The following SIPA1L3 variants were observed in gnomAD, a reference collection of about 807,000 sequenced individuals.
SIPA1L3 encodes signal induced proliferation associated 1 like 3, also known as signal-induced proliferation-associated 1-like protein 3.
SIPA1L3 carries 59 observed loss-of-function variants against 150.1 expected under a neutral mutation model. The ratio of observed to expected loss-of-function variants is 0.39; its 90% CI spans 0.32 to 0.49. The LOEUF is 0.49. Ranked by LOEUF, SIPA1L3 falls within the 20% of genes least tolerant of loss-of-function variation. SIPA1L3 has a pLI of 0.86. For missense variants in SIPA1L3, 2,211 were observed against 2,489.5 expected (o/e 0.89, Z 2.38); for synonymous variants, 1,070 against 1,077.6 (o/e 0.99, Z 0.14).
chr19:38,015,104 C>A (rs142811462), intron 1 of SIPA1L3, among the ~76,000 whole-genome samples: 1 of 152,170 alleles, frequency 6.6e-6, no homozygotes, highest in South Asian at 2.1e-4. Context: ...TGTGAGCCAC[C>A]ACGCCCAGCT....
chr19:38,119,858 A>G lies in SIPA1L3; in HGVS notation c.2844A>G (p.Ile948Met). ...CGACAGAGGGTTCTGTGGAGGACAT[A>G]AGGGAGATAGTGCAGAGACTGAAGG... ...LQATEGSVEDIREIVQRLKVM... is the reference protein window; with the variant it reads ...LQATEGSVEDMREIVQRLKVM... Residue 948 changes from isoleucine (I) to methionine (M), a missense_variant, in exon 9 of 22, where the codon ATA becomes ATG. This residue lies in a region of SIPA1L3 where 625 missense variants were observed against 804.2 expected (regional missense o/e 0.78). Transcript: ENST00000222345. 6.2e-7 allele frequency: 1 copy of G among 1,611,428 alleles called. No individual in the cohort carries two copies. The highest frequency in any genetic ancestry group is 8.5e-7 in the Non-Finnish European group (1 of 1,179,380).
chr19:38,112,078 C>G (rs557484170), intron 8 of SIPA1L3, among the ~76,000 whole-genome samples: 1 of 139,092 alleles, frequency 7.2e-6, no homozygotes, highest in Non-Finnish European at 1.5e-5. Context: ...ACACACCATG[C>G]GTCCGCACAT....
intron 2 of SIPA1L3, among the ~76,000 whole-genome samples, chr19:38,078,435 C>T (rs1969896183): frequency 7.5e-6 from 1 of 133,518 alleles, no homozygotes; most frequent in Non-Finnish European, 1.6e-5. Context: ...CATGCGCATA[C>T]ATGCACACAC....
intron 9 of SIPA1L3, among the ~76,000 whole-genome samples, chr19:38,120,808 T>A (rs1343200126): frequency 6.6e-6 from 1 of 152,218 alleles, no homozygotes; most frequent in Non-Finnish European, 1.5e-5. Context: ...TCAGGCCCCA[T>A]CTAAGCTCCA....
At chr19:37,981,308 C>T (rs1967195331) in intron 1 of SIPA1L3, among the ~76,000 whole-genome samples, 1 of 151,612 alleles carries the variant, frequency 6.6e-6, no homozygotes, top group African/African-American at 2.4e-5. Context: ...ACTGTAGTCT[C>T]AGCTACTCAG....
chr19:37,914,687 T>A (rs2046402144), intron 1 of SIPA1L3, among the ~76,000 whole-genome samples: 1 of 151,886 alleles, frequency 6.6e-6, no homozygotes, highest in South Asian at 2.1e-4. Flanking sequence ...ACATTTTTTC[T>A]ATTTTTTGTA....
In SIPA1L3 at chr19:38,201,964, G is replaced by T; in HGVS notation, c.5087G>T (p.Gly1696Val). Reference protein sequence around the residue: ...PVHSHLSLERGPPTPRTTPTM... With the variant: ...PVHSHLSLERVPPTPRTTPTM... ...CACAGCCACCTGAGCCTGGAGAGGG[G>T]ACCCCCGACCCCCAGGACCACCCCT... Residue 1696 changes from glycine (G) to valine (V), a missense_variant, in exon 20 of 22, where the codon GGA becomes GTA. Physicochemically the swap from Gly to Val is moderately radical, Grantham distance 109. This residue lies in a region of SIPA1L3 where 806 missense variants were observed against 870.1 expected (regional missense o/e 0.93). Coordinates refer to ENST00000222345, the MANE Select transcript of SIPA1L3 (RefSeq NM_015073.3). 1 of 1,613,300 alleles carries T rather than the reference G, an allele frequency of 6.2e-7. No individual in the cohort carries two copies. Among genetic ancestry groups the T allele is most frequent in the Non-Finnish European group, 8.5e-7 (1 of 1,179,706 alleles).
At position 38,081,937 on chromosome 19, in the gene SIPA1L3, G is replaced by GC; in HGVS notation, c.378dup (p.Thr127HisfsTer54). 2.5e-6 allele frequency: 4 copies of GC among 1,614,112 alleles called. No homozygotes were observed. Among genetic ancestry groups the GC allele is most frequent in the South Asian group, 1.1e-5 (1 of 91,086 alleles). Reference sequence around the variant, plus strand: ...CCATGAGGAGCATACAGAACGGACAGCCCCCCACCAGCACCCCGGCTTCCT... The same window carrying GC: ...CCATGAGGAGCATACAGAACGGACAGCCCCCCCACCAGCACCCCGGCTTCCT... On this transcript the variant is annotated frameshift_variant, in exon 3 of 22. Transcript: ENST00000222345. LOFTEE classifies it high-confidence loss of function.
At chr19:38,178,358 C>T (rs1411860926) in intron 15 of SIPA1L3, among the ~76,000 whole-genome samples, 2 of 151,940 alleles carry the variant, frequency 1.3e-5, no homozygotes, top group Non-Finnish European at 2.9e-5. Context: ...TCTACAGCAA[C>T]TCCTGGGCTC....
chr19:38,055,641 A>T (rs900607980), intron 2 of SIPA1L3, among the ~76,000 whole-genome samples: 1 of 152,194 alleles, frequency 6.6e-6, no homozygotes. Context: ...TCAGAAGAGG[A>T]TGGGTTTGGA....
At chr19:38,187,357 C>T (rs1325864654) in intron 16 of SIPA1L3, among the ~76,000 whole-genome samples, 1 of 151,884 alleles carries the variant, frequency 6.6e-6, no homozygotes, top group East Asian at 1.9e-4. Context: ...GAGGCTGAGG[C>T]AGGAGAATCG....
chr19:38,145,536 A>C (rs1286009326), intron 12 of SIPA1L3, among the ~76,000 whole-genome samples: 1 of 53,978 alleles, frequency 1.9e-5, no homozygotes, highest in Non-Finnish European at 4.3e-5. Flanking sequence ...CTCCGTCTCA[A>C]AAAAAAAAAA....
intron 19 of SIPA1L3, 145 bp downstream of exon 19, chr19:38,198,677 C>T (rs1406333097): frequency 1.1e-5 from 9 of 821,070 alleles, no homozygotes; most frequent in Non-Finnish European, 1.5e-5. Context: ...CCGTCACTTG[C>T]TTACCATGCA....
intron 1 of SIPA1L3, among the ~76,000 whole-genome samples, chr19:38,007,327 C>G (rs1353929007): frequency 6.6e-6 from 1 of 151,912 alleles, no homozygotes; most frequent in Non-Finnish European, 1.5e-5. Context: ...ATGGCACGCA[C>G]CTGTAATCCC....
intron 2 of SIPA1L3, among the ~76,000 whole-genome samples, chr19:38,069,378 C>T (rs1006620762): frequency 6.6e-6 from 1 of 152,206 alleles, no homozygotes; most frequent in Admixed American, 6.5e-5. Flanking sequence ...CTCCTGTTGA[C>T]AGTTGGTCCT....
At chr19:38,013,066 A>G (rs1185104615) in intron 1 of SIPA1L3, among the ~76,000 whole-genome samples, 2 of 152,128 alleles carry the variant, frequency 1.3e-5, no homozygotes, top group African/African-American at 4.8e-5. Context: ...TCAGCCAGTG[A>G]GGGCAGCTTG....
chr19:38,122,841 A>G (rs1301137661), intron 9 of SIPA1L3, among the ~76,000 whole-genome samples: 2 of 151,978 alleles, frequency 1.3e-5, no homozygotes, highest in Non-Finnish European at 2.9e-5. Context: ...TTCCTCCTAC[A>G]GGCCTTTGGT....
chr19:38,196,641 T>TGGAGGTCAAGAGTGGAGCAA (rs1568606075), intron 18 of SIPA1L3, among the ~76,000 whole-genome samples: 1 of 119,932 alleles, frequency 8.3e-6, no homozygotes, highest in Non-Finnish European at 1.7e-5. Flanking sequence ...GGGTGGAGCA[T>TGGAGGTCAAGAGTGGAGCAA]GGAGGTCAAG....
At position 37,976,104 on chromosome 19, in the gene SIPA1L3, T is replaced by TAAAAA. The variant is rs374630193; in HGVS notation, c.-378-52975_-378-52971dup. On this transcript the variant is annotated intron_variant, in intron 1 of 21. Coordinates refer to ENST00000222345, the MANE Select transcript of SIPA1L3 (RefSeq NM_015073.3). Reference sequence around the variant, plus strand: ...TGGGTGACAGAGCAAGGCTCTGTCTTAAAAAAAAAAAAAAGAAAGAAAAGA... The same window carrying TAAAAA: ...TGGGTGACAGAGCAAGGCTCTGTCTTAAAAAAAAAAAAAAAAAAAGAAAGAAAAGA... Among the ~76,000 whole-genome samples the TAAAAA allele has an allele frequency of 6.6e-5, 8 of 120,344 alleles. No individual in the cohort carries two copies. In the East Asian group the frequency reaches 1.0e-3, roughly 15 times the overall value. 79.0% of individuals were successfully genotyped at this position (120,344 alleles called of 152,430 possible).
Sources: allele counts gnomAD v4.1 joint callset (sites outside exome capture counted in the v4.1 genomes callset), GRCh38; gene constraint gnomAD v4.1.1; regional missense constraint gnomAD v4.1.1; transcripts MANE v1.5; gene names NCBI Gene and HGNC (gene_info 2026-07-23, HGNC 2026-07-21).